The following USP54 variants were observed in gnomAD, a reference collection of about 807,000 sequenced individuals.
USP54 encodes ubiquitin carboxyl-terminal hydrolase 54.
In USP54, 87 loss-of-function variants were observed where a neutral mutation model predicts 170.5. The ratio of observed to expected loss-of-function variants is 0.51; its 90% CI spans 0.43 to 0.61. The LOEUF is 0.61. Ranked by LOEUF, USP54 falls within the 20% of genes least tolerant of loss-of-function variation. The pLI is 0.00. For missense variants in USP54, 1,786 were observed against 2,047.8 expected (o/e 0.87, Z 2.47); for synonymous variants, 655 against 742.8 (o/e 0.88, Z 1.92).
intron 10 of USP54, among the ~76,000 whole-genome samples, chr10:73,537,442 C>T (rs570067818): frequency 2.0e-5 from 3 of 152,076 alleles, no homozygotes; most frequent in Admixed American, 6.6e-5. Context: ...TATCTGCTAA[C>T]CTTATCACAA....
chr10:73,541,590 G>C, intron 8 of USP54, 43 bp downstream of exon 8: 2 of 1,613,274 alleles, frequency 1.2e-6, no homozygotes, highest in African/African-American at 2.7e-5. Context: ...ACTGATCGAT[G>C]GTTCCCTTTC....
At chr10:73,516,349 C>A in intron 20 of USP54, 26 bp downstream of exon 20, 2 of 1,580,556 alleles carry the variant, frequency 1.3e-6, no homozygotes, top group South Asian at 1.2e-5. Context: ...CTCCCCCCTC[C>A]CCCCAACCCC....
chr10:73,618,727 G>A (rs910539981), intron 1 of USP54, among the ~76,000 whole-genome samples: 3 of 143,924 alleles, frequency 2.1e-5, no homozygotes, highest in Admixed American at 2.1e-4. Flanking sequence ...GGGTCACAGA[G>A]CGAGACTCCA....
intron 1 of USP54, among the ~76,000 whole-genome samples, chr10:73,617,198 A>C (rs1309780766): frequency 6.6e-6 from 1 of 150,610 alleles, no homozygotes; most frequent in Non-Finnish European, 1.5e-5. Context: ...CAGGTGGCTG[A>C]GGCAGGAGAA....
At chr10:73,621,276 CACAT>C (rs1325735403) in intron 1 of USP54, among the ~76,000 whole-genome samples, 24 of 149,382 alleles carry the variant, frequency 1.6e-4, no homozygotes, top group Non-Finnish European at 3.5e-4. Context: ...AAACATGTGA[CACAT>C]ACATACATTT....
intron 5 of USP54, among the ~76,000 whole-genome samples, chr10:73,545,310 G>A (rs1342060639): frequency 1.3e-5 from 2 of 152,116 alleles, no homozygotes; most frequent in Non-Finnish European, 2.9e-5. Context: ...CTGAAGGTGA[G>A]AGCTGATGTT....
intron 15 of USP54, among the ~76,000 whole-genome samples, chr10:73,527,276 G>A (rs1463816957): frequency 6.6e-6 from 1 of 151,944 alleles, no homozygotes; most frequent in Non-Finnish European, 1.5e-5. Context: ...GAGGCAGGCG[G>A]ATCATGAGAT....
Position 73,509,632 on chromosome 10 carries a change from AT to A in USP54, c.4052-4207del, listed in dbSNP as rs898015436. On this transcript the variant is annotated intron_variant, in intron 20 of 23. Coordinates refer to ENST00000687698, the MANE Select transcript of USP54 (RefSeq NM_001391956.1). ...TCCGTCTCATTAAAAAAAAAAAAAA[AT>A]CTTTATTTCTGAGAGATACATGCCA... Among the ~76,000 whole-genome samples the A allele has an allele frequency of 1.2e-4, 18 of 151,790 alleles. 1 individual carries two copies. Among genetic ancestry groups the A allele is most frequent in the Admixed American group, 2.6e-4 (4 of 15,222 alleles).
At chr10:73,523,065 A>C (rs564032546) in intron 17 of USP54, among the ~76,000 whole-genome samples, 1 of 152,358 alleles carries the variant, frequency 6.6e-6, no homozygotes, top group South Asian at 2.1e-4. Flanking sequence ...GAAGAAAAAA[A>C]GTCTAACATG....
chr10:73,530,088 A>G, intron 14 of USP54, 55 bp downstream of exon 14: 1 of 1,537,144 alleles, frequency 6.5e-7, no homozygotes, highest in Non-Finnish European at 8.7e-7. Flanking sequence ...AGGTTTTAAA[A>G]AGACATAAAT....
At chr10:73,566,724 C>CT (rs1415059278) in intron 4 of USP54, among the ~76,000 whole-genome samples, 1 of 151,426 alleles carries the variant, frequency 6.6e-6, no homozygotes, top group Non-Finnish European at 1.5e-5. Flanking sequence ...CAGTGAGACT[C>CT]TGTCTCAAAA....
In USP54 at chr10:73,516,590, G is replaced by A. The variant is rs1490322021; in HGVS notation, c.3836C>T (p.Pro1279Leu). The change falls in exon 20 of 24, where the codon CCT becomes CTT. Residue 1279 changes from proline (P) to leucine (L), a missense_variant. Pro to Leu is a moderately conservative substitution (Grantham distance 98). Coordinates refer to ENST00000687698, the MANE Select transcript of USP54 (RefSeq NM_001391956.1). ...AGGGGAGGACTTCATTCCTGGCCTAGGTGCCCCATGCTTAAGCTGAGAATC... is the reference window on the plus strand; with the variant it reads ...AGGGGAGGACTTCATTCCTGGCCTAAGTGCCCCATGCTTAAGCTGAGAATC... ...FCDSQLKHGA[P>L]RPGMKSSPHD... 3.1e-6 allele frequency: 5 copies of A among 1,614,180 alleles called. No individual in the cohort carries two copies. In the Admixed American group the frequency reaches 5.0e-5, roughly 16 times the overall value.
At chr10:73,616,314 G>A (rs2080629481) in intron 1 of USP54, among the ~76,000 whole-genome samples, 1 of 133,604 alleles carries the variant, frequency 7.5e-6, no homozygotes, top group Non-Finnish European at 1.5e-5. Flanking sequence ...CTCCAGCCTA[G>A]GCGACAGCAA....
At chr10:73,538,793 T>C (rs569488573) in intron 10 of USP54, among the ~76,000 whole-genome samples, 75 of 151,798 alleles carry the variant, frequency 4.9e-4, no homozygotes, top group Admixed American at 2.0e-3. Context: ...GCCTGGGCAA[T>C]AGAGTGAGGA....
chr10:73,588,487 G>A (rs528910516), intron 1 of USP54, among the ~76,000 whole-genome samples: 6 of 152,318 alleles, frequency 3.9e-5, no homozygotes, highest in African/African-American at 1.2e-4. Context: ...GCCTCCCAAA[G>A]TGCTGCGATT....
At chr10:73,529,316 A>G (rs2063545905) in intron 15 of USP54, among the ~76,000 whole-genome samples, 1 of 152,230 alleles carries the variant, frequency 6.6e-6, no homozygotes, top group Admixed American at 6.5e-5. Flanking sequence ...GGTGGGAGGA[A>G]AGAAAGGATC....
chr10:73,548,281 T>C (rs533682823), intron 4 of USP54, among the ~76,000 whole-genome samples: 11 of 152,268 alleles, frequency 7.2e-5, no homozygotes, highest in Admixed American at 4.6e-4. Context: ...ACACTGTTGG[T>C]GGGAGTGTAA....
intron 15 of USP54, among the ~76,000 whole-genome samples, chr10:73,528,850 A>C (rs1260466156): frequency 6.6e-6 from 1 of 152,230 alleles, no homozygotes; most frequent in Non-Finnish European, 1.5e-5. Context: ...GTTATGAGAT[A>C]CATAGAGACA....
chr10:73,545,737 G>A lies in USP54; in HGVS notation c.241-65C>T. On this transcript the variant is annotated intron_variant, in intron 4 of 23. Coordinates refer to ENST00000687698, the MANE Select transcript of USP54 (RefSeq NM_001391956.1). ...TGTTATTAAACTTCTATACATCCTA[G>A]TCTGTCATGCTAGCATCTCCATGAT... 3 of 1,568,476 alleles carry A rather than the reference G, an allele frequency of 1.9e-6. 1 individual carries two copies. The South Asian group carries it at 3.4e-5, about 18-fold the overall frequency.
Sources: allele counts gnomAD v4.1 joint callset (sites outside exome capture counted in the v4.1 genomes callset), GRCh38; gene constraint gnomAD v4.1.1; transcripts MANE v1.5; gene names NCBI Gene and HGNC (gene_info 2026-07-23, HGNC 2026-07-21).